The following DCC variants were observed in gnomAD, a reference collection of about 807,000 sequenced individuals.
DCC encodes DCC netrin 1 receptor.
In DCC, 58 loss-of-function variants were observed where a neutral mutation model predicts 172.5. That is an observed-to-expected ratio of 0.34 (90% CI 0.27 to 0.42). The LOEUF is 0.42. Among genes scored for constraint, DCC ranks in the 10% least tolerant of loss-of-function variants. The pLI is 1.00. For synonymous variants in DCC, 709 were observed against 644.5 expected (o/e 1.10, Z -1.52); for missense variants, 1,740 against 1,791.0 (o/e 0.97, Z 0.51).
At chr18:52,855,366 A>G (rs1455498651) in intron 2 of DCC, among the ~76,000 whole-genome samples, 1 of 152,198 alleles carries the variant, frequency 6.6e-6, no homozygotes, top group Non-Finnish European at 1.5e-5. Context: ...TGTATTTTCT[A>G]TATTCACAGA....
Position 52,602,473 on chromosome 18 carries a change from A to T in DCC, c.92-149581A>T, listed in dbSNP as rs566839802. 2.0e-5 allele frequency among the ~76,000 whole-genome samples: 3 copies of T among 151,086 alleles called. No individual in the cohort carries two copies. The South Asian group carries it at 6.3e-4, about 32-fold the overall frequency. ...TAAATGCTCATTTTTCCCTCTCAAC[A>T]TTATGCCAGCAGGGGATCAGTGACA... On this transcript the variant is annotated intron_variant, in intron 1 of 28. Transcript: ENST00000442544.
chr18:52,998,055 A>T (rs1215679011), intron 5 of DCC, among the ~76,000 whole-genome samples: 1 of 152,084 alleles, frequency 6.6e-6, no homozygotes, highest in African/African-American at 2.4e-5. Flanking sequence ...TGTGCTGTCC[A>T]ATGCAGTAGC....
At chr18:52,675,618 A>T (rs1034019704) in intron 1 of DCC, among the ~76,000 whole-genome samples, 2 of 152,208 alleles carry the variant, frequency 1.3e-5, no homozygotes, top group East Asian at 3.9e-4. Context: ...TATTTGGCTC[A>T]GGATAAATCT....
intron 8 of DCC, among the ~76,000 whole-genome samples, chr18:53,174,489 G>T (rs1598875277): frequency 6.8e-6 from 1 of 147,744 alleles, no homozygotes; most frequent in East Asian, 2.0e-4. Flanking sequence ...AATGATAAAG[G>T]GGATATCACC....
At chr18:52,399,761 T>G (rs760881936) in intron 1 of DCC, among the ~76,000 whole-genome samples, 4 of 152,012 alleles carry the variant, frequency 2.6e-5, no homozygotes, top group Non-Finnish European at 5.9e-5. Flanking sequence ...TATAAAGCCG[T>G]TATTGACATG....
At chr18:53,236,801 T>C (rs2056208674) in intron 12 of DCC, among the ~76,000 whole-genome samples, 1 of 152,098 alleles carries the variant, frequency 6.6e-6, no homozygotes, top group Non-Finnish European at 1.5e-5. Context: ...TCCAGTTTTG[T>C]CGGCACCATT....
At chr18:52,456,862 A>G (rs1186266313) in intron 1 of DCC, among the ~76,000 whole-genome samples, 1 of 152,178 alleles carries the variant, frequency 6.6e-6, no homozygotes, top group African/African-American at 2.4e-5. Flanking sequence ...TTTGACACCA[A>G]GTCTGAGGTC....
At chr18:53,460,288 T>TG (rs2045539133) in intron 24 of DCC, among the ~76,000 whole-genome samples, 4 of 75,304 alleles carry the variant, frequency 5.3e-5, no homozygotes, top group South Asian at 5.9e-4. Flanking sequence ...TTTTTTTTTT[T>TG]TTTTTTTTTT....
At chr18:52,400,928 C>T (rs917379763) in intron 1 of DCC, among the ~76,000 whole-genome samples, 1 of 151,804 alleles carries the variant, frequency 6.6e-6, no homozygotes, top group Non-Finnish European at 1.5e-5. Flanking sequence ...GAACATCACA[C>T]ACCAAGGCCT....
intron 7 of DCC, among the ~76,000 whole-genome samples, chr18:53,077,422 G>C (rs2042738783): frequency 2.6e-5 from 4 of 152,086 alleles, no homozygotes. Context: ...TGAGTTAAAG[G>C]GGAAGGTAGT....
intron 13 of DCC, among the ~76,000 whole-genome samples, chr18:53,317,344 T>C (rs999089401): frequency 3.9e-5 from 6 of 152,354 alleles, no homozygotes; most frequent in Admixed American, 3.3e-4. Context: ...TTGATTATGG[T>C]GAATAAGCTT....
At chr18:53,252,168 T>C (rs1258201568) in intron 12 of DCC, among the ~76,000 whole-genome samples, 1 of 152,016 alleles carries the variant, frequency 6.6e-6, no homozygotes, top group African/African-American at 2.4e-5. Context: ...ACTCTTATAC[T>C]CTGTATTTGA....
In DCC at chr18:53,157,346, T is replaced by G; in HGVS notation, c.1262-10T>G. On this transcript the variant is annotated splice_polypyrimidine_tract_variant and intron_variant, in intron 7 of 28. Transcript: ENST00000442544. Reference sequence around the variant, plus strand: ...GACACCTCTGATAGCCTCCTCTTCTTTCTCCTTAGCTATCCCAAGCTCCAG... The same window carrying G: ...GACACCTCTGATAGCCTCCTCTTCTGTCTCCTTAGCTATCCCAAGCTCCAG... 1 of 1,614,044 alleles carries G rather than the reference T, an allele frequency of 6.2e-7. No homozygotes were observed. The highest frequency in any genetic ancestry group is 8.5e-7 in the Non-Finnish European group (1 of 1,179,952).
chr18:52,483,276 C>T (rs747267591), intron 1 of DCC, among the ~76,000 whole-genome samples: 19 of 152,068 alleles, frequency 1.2e-4, no homozygotes, highest in Non-Finnish European at 2.2e-4. Flanking sequence ...ATCGCTTTCA[C>T]AGGTCTAGGG....
chr18:52,794,580 CAA>C (rs958043987), intron 2 of DCC, among the ~76,000 whole-genome samples: 1 of 151,930 alleles, frequency 6.6e-6, no homozygotes, highest in Non-Finnish European at 1.5e-5. Context: ...ATGTTGTCTG[CAA>C]AGAGGGATGA....
At chr18:52,728,397 T>C (rs1197598255) in intron 1 of DCC, among the ~76,000 whole-genome samples, 2 of 152,188 alleles carry the variant, frequency 1.3e-5, no homozygotes, top group Non-Finnish European at 2.9e-5. Context: ...TTTCTCCCTG[T>C]ACTGTTATTG....
chr18:53,002,082 T>G (rs1310579970), intron 5 of DCC, among the ~76,000 whole-genome samples: 5 of 152,098 alleles, frequency 3.3e-5, no homozygotes, highest in African/African-American at 7.2e-5. Flanking sequence ...TTGGAAGAAT[T>G]AAGTAATGAC....
intron 12 of DCC, among the ~76,000 whole-genome samples, chr18:53,303,675 C>G (rs1000694196): frequency 6.6e-6 from 1 of 152,136 alleles, no homozygotes; most frequent in Non-Finnish European, 1.5e-5. Flanking sequence ...CAGGCAGGAG[C>G]TAGGGTGAGC....
At chr18:52,905,136 T>C (rs2039862676) in intron 2 of DCC, among the ~76,000 whole-genome samples, 1 of 152,122 alleles carries the variant, frequency 6.6e-6, no homozygotes, top group South Asian at 2.1e-4. Flanking sequence ...CATACAAGCA[T>C]GTATATGCAT....
Sources: gnomAD v4.1 joint callset for allele counts (sites outside exome capture counted in the v4.1 genomes callset) on GRCh38, gnomAD v4.1.1 for gene constraint, MANE v1.5 for transcripts, NCBI Gene and HGNC (gene_info 2026-07-23, HGNC 2026-07-21) for gene names.